Variants in TMEM176A observed in about 807,000 individuals in gnomAD.
TMEM176A encodes hepatocellular carcinoma-associated antigen 112.
Under a neutral mutation model 27.9 loss-of-function variants are expected in TMEM176A, and 20 were observed. The ratio of observed to expected loss-of-function variants is 0.72; its 90% CI spans 0.50 to 1.04. The LOEUF (loss-of-function observed/expected upper bound fraction) is 1.04, where lower values mean the gene tolerates loss of function less well. TMEM176A is among the 50% of genes least tolerant of loss of function. The probability of loss-of-function intolerance (pLI) is 0.00; values close to 1 mark genes in which losing one functional copy is unlikely to be tolerated. For missense variants in TMEM176A, 252 were observed against 289.1 expected (o/e 0.87, Z 0.93); for synonymous variants, 125 against 118.0 (o/e 1.06, Z -0.38).
chr7:150,801,734 A>ACGGCCTGCCTCGTCGGGCGG lies in TMEM176A; in HGVS notation c.174+14_174+33dup. Reference sequence around the variant, plus strand: ...GCTGGTGGCCTCGTGGGTGAGTGTGACGGCCTGCCTCGTCGGGCGGCGGGA... The same window carrying ACGGCCTGCCTCGTCGGGCGG: ...GCTGGTGGCCTCGTGGGTGAGTGTGACGGCCTGCCTCGTCGGGCGGCGGCCTGCCTCGTCGGGCGGCGGGA... On this transcript the variant is annotated intron_variant, in intron 2 of 6. Transcript: ENST00000004103. 6.6e-7 allele frequency: 1 copy of ACGGCCTGCCTCGTCGGGCGG among 1,505,790 alleles called. No individual in the cohort carries two copies. The highest frequency in any genetic ancestry group is 8.8e-7 in the Non-Finnish European group (1 of 1,137,304). 93.3% of individuals were successfully genotyped at this position (1,505,790 alleles called of 1,614,324 possible). A position where few individuals can be genotyped will look rare whatever the true frequency, so the allele number is the denominator to read the frequency against.
Position 150,803,796 on chromosome 7 carries a change from G to A in TMEM176A, c.519G>A (p.Arg173=), listed in dbSNP as rs747977717. 1 of 1,614,174 alleles carries A rather than the reference G, an allele frequency of 6.2e-7. No homozygotes were observed. Among genetic ancestry groups the A allele is most frequent in the Non-Finnish European group, 8.5e-7 (1 of 1,180,038 alleles). Residue 173 remains arginine, a synonymous_variant, in exon 5 of 7, where the codon AGG becomes AGA. Coordinates refer to ENST00000004103, the MANE Select transcript of TMEM176A (RefSeq NM_018487.3). ...CTCAGAGTCCAGAAGAAGTCAGAAG[G>A]CTACACCTATGTACCTCCTTCATGG... ...APTQSPEEVR[R]LHLCTSFMDM... is the part of the protein sequence containing the mutation.
chr7:150,802,483 G>A, intron 3 of TMEM176A, 158 bp downstream of exon 3: 1 of 734,872 alleles, frequency 1.4e-6, no homozygotes, highest in Middle Eastern at 3.9e-4. Flanking sequence ...AAACAGCTGA[G>A]GGCGGTGGTG....
chr7:150,804,313 G>GCC, intron 5 of TMEM176A, 49 bp from the exon 6 acceptor site: 1 of 1,448,676 alleles, frequency 6.9e-7, no homozygotes, highest in Non-Finnish European at 9.7e-7. Flanking sequence ...GACAGAGCAG[G>GCC]AAGGCAGCTG....
chr7:150,802,442 C>A, intron 3 of TMEM176A, 117 bp downstream of exon 3: 1 of 941,954 alleles, frequency 1.1e-6, no homozygotes, highest in Non-Finnish European at 1.6e-6. Flanking sequence ...ATCTGATTAT[C>A]TAGGACCATT....
Position 150,804,861 on chromosome 7 carries a change from G to T in TMEM176A, c.701G>T (p.Gly234Val). 1 of 1,614,180 alleles carries T rather than the reference G, an allele frequency of 6.2e-7. No individual in the cohort carries two copies. The change falls in exon 7 of 7, where the codon GGA becomes GTA. Residue 234 changes from glycine to valine, a missense_variant. Coordinates refer to ENST00000004103, the MANE Select transcript of TMEM176A (RefSeq NM_018487.3). ...CAGAAGGAAATGTTGGAAGTGAGTG[G>T]AATCTAGCCATGCCTCTCCTGATTA... ...RDQKEMLEVS[G>V]I is the part of the protein sequence containing the mutation.
At chr7:150,802,969 C>A in intron 3 of TMEM176A, 2 of 990,106 alleles carry the variant, frequency 2.0e-6, no homozygotes, top group Non-Finnish European at 2.4e-6. Context: ...GTTCTTCAAG[C>A]CCAGCTGAGT....
Position 150,804,490 on chromosome 7 carries a change from G to A in TMEM176A, c.666+18G>A. 1 of 1,599,818 alleles carries A rather than the reference G, an allele frequency of 6.3e-7. No individual in the cohort carries two copies. Among genetic ancestry groups the A allele is most frequent in the Non-Finnish European group, 8.6e-7 (1 of 1,167,216 alleles). ...CCAAAGGGGTGAGTCCCTAAGGTGT[G>A]TGCCTGTGTATTTGGGGCAGTGGAA... is the stretch of plus-strand genomic sequence containing the variant. On this transcript the variant is annotated intron_variant, in intron 6 of 6. Coordinates refer to ENST00000004103, the MANE Select transcript of TMEM176A (RefSeq NM_018487.3).
At position 150,803,412 on chromosome 7, in the gene TMEM176A, G is replaced by A. The variant is rs1396151938; in HGVS notation, c.298G>A (p.Gly100Arg). ...IWTGAVAVLA[G>R]AAAFIYEKRG... ...AATCTCTCCCCAGGCTGTGCTGGCT[G>A]GAGCTGCTGCCTTCATTTACGAGAA... is the stretch of plus-strand genomic sequence containing the variant. The change falls in exon 4 of 7, where the codon GGA becomes AGA. Residue 100 changes from glycine to arginine, a missense_variant. By Grantham distance (125) the Gly-to-Arg change is moderately radical (BLOSUM62 -2). Coordinates refer to ENST00000004103, the MANE Select transcript of TMEM176A (RefSeq NM_018487.3). 2 of 1,590,012 alleles carry A rather than the reference G, an allele frequency of 1.3e-6. No homozygotes were observed. The highest frequency in any genetic ancestry group is 1.7e-6 in the Non-Finnish European group (2 of 1,169,768).
intron 2 of TMEM176A, 59 bp from the exon 3 acceptor site, chr7:150,802,156 T>G: frequency 7.1e-7 from 1 of 1,406,194 alleles, no homozygotes; most frequent in East Asian, 2.3e-5. Flanking sequence ...TTTTAGCGGT[T>G]AATCCCTGCA....
rs746159504 is a variant in TMEM176A at position 150,803,800 on chromosome 7, C to T, written c.523C>T (p.His175Tyr). 5.6e-6 allele frequency: 9 copies of T among 1,614,126 alleles called. No homozygotes were observed. Among genetic ancestry groups the T allele is most frequent in the Non-Finnish European group, 7.6e-6 (9 of 1,180,026 alleles). ...GAGTCCAGAAGAAGTCAGAAGGCTA[C>T]ACCTATGTACCTCCTTCATGGACAT... ...TQSPEEVRRLHLCTSFMDMLK... is the reference protein window; with the variant it reads ...TQSPEEVRRLYLCTSFMDMLK... The change falls in exon 5 of 7, where the codon CAC (histidine) becomes TAC (tyrosine). Residue 175 changes from histidine (H) to tyrosine (Y), a missense_variant. Physicochemically the swap from His to Tyr is moderately conservative, Grantham distance 83. Transcript: ENST00000004103.
rs1174047469 is a variant in TMEM176A at position 150,803,801 on chromosome 7, A to G, written c.524A>G (p.His175Arg). The change falls in exon 5 of 7, where the codon CAC becomes CGC. Residue 175 changes from histidine to arginine, a missense_variant. Coordinates refer to ENST00000004103, the MANE Select transcript of TMEM176A (RefSeq NM_018487.3). ...AGTCCAGAAGAAGTCAGAAGGCTAC[A>G]CCTATGTACCTCCTTCATGGACATG... ...TQSPEEVRRL[H>R]LCTSFMDMLK... is the part of the protein sequence containing the mutation. 8 of 1,614,000 alleles carry G rather than the reference A, an allele frequency of 5.0e-6. No individual in the cohort carries two copies. Among genetic ancestry groups the G allele is most frequent in the Non-Finnish European group, 6.8e-6 (8 of 1,180,026 alleles).
In TMEM176A at chr7:150,802,238, CTT is replaced by C. The variant is rs1798823376; in HGVS notation, c.199_200del (p.Leu67GlufsTer71). The part of the protein sequence containing the change: ...SWVMQIVLGI[L>X]SAVLGGFFYI... The stretch of plus-strand genomic sequence containing the variant: ...AGGTGATGCAGATCGTGCTGGGGAT[CTT>C]GAGTGCAGTCCTAGGAGGATTTTTC... On this transcript the variant is annotated frameshift_variant, in exon 3 of 7. Transcript: ENST00000004103. LOFTEE classifies it high-confidence loss of function. 3 of 1,613,902 alleles carry C rather than the reference CTT, an allele frequency of 1.9e-6. No homozygotes were observed. The highest frequency in any genetic ancestry group is 2.5e-6 in the Non-Finnish European group (3 of 1,180,004).
chr7:150,801,777 G>A (rs1426869087), intron 2 of TMEM176A, 53 bp downstream of exon 2: 2 of 1,431,330 alleles, frequency 1.4e-6, no homozygotes, highest in African/African-American at 2.9e-5. Flanking sequence ...CCCACCTCCA[G>A]CCGCAGCAGC....
chr7:150,800,800 C>T lies in TMEM176A; in HGVS notation c.-44C>T, dbSNP rs1798752429. The T allele has an allele frequency of 4.5e-6, 2 of 446,442 alleles. No homozygotes were observed. The highest frequency in any genetic ancestry group is 5.9e-6 in the Non-Finnish European group (2 of 337,696). 27.7% of individuals were successfully genotyped at this position (446,442 alleles called of 1,614,324 possible). ...CCAGCCAGCGCCCCAGCCCTCCCGC[C>T]GCCCGCTCGCAGGTCCCGAGGAGCG... On this transcript the variant is annotated 5_prime_UTR_variant, in exon 1 of 7. Transcript: ENST00000004103.
chr7:150,804,866 T>C lies in TMEM176A; in HGVS notation c.706T>C (p.Ter236GlnextTer5). The change falls in exon 7 of 7, where the codon TAG (stop) becomes CAG (glutamine). Residue 236 changes from the stop codon to glutamine, a stop_lost. Transcript: ENST00000004103. ...GGAAATGTTGGAAGTGAGTGGAATC[T>C]AGCCATGCCTCTCCTGATTATTAGT... ...QKEMLEVSGI[*>Q] 6.2e-7 allele frequency: 1 copy of C among 1,614,168 alleles called. No individual in the cohort carries two copies.
chr7:150,803,324 C>T lies in TMEM176A; in HGVS notation c.286-76C>T. The T allele has an allele frequency of 6.0e-6, 9 of 1,503,104 alleles. No individual in the cohort carries two copies. The South Asian group carries it at 1.2e-4, about 21-fold the overall frequency. The allele number at this position is 1,503,104 out of a possible 1,614,324, so 93.1% of individuals were successfully genotyped here. ...CCCAAGCTGTGTGCTGGGGAAGGGC[C>T]TGCATGGAGGCTCTCTCGTGGGAGA... On this transcript the variant is annotated intron_variant, in intron 3 of 6. Coordinates refer to ENST00000004103, the MANE Select transcript of TMEM176A (RefSeq NM_018487.3).
chr7:150,802,053 C>T, intron 2 of TMEM176A, 162 bp from the exon 3 acceptor site: 1 of 618,740 alleles, frequency 1.6e-6, no homozygotes, highest in East Asian at 2.8e-5. Flanking sequence ...CTTCTTTCTC[C>T]TTCTCCTCCT....
chr7:150,801,637 G>A lies in TMEM176A; in HGVS notation c.87G>A (p.Leu29=), dbSNP rs1468130141. 1 of 1,613,382 alleles carries A rather than the reference G, an allele frequency of 6.2e-7. No homozygotes were observed. ...TGCACATCCACCAGGAGTCTGCCCTGGCCAAGCTCCTGCTCACCTGCTGCT... is the reference window on the plus strand; with the variant it reads ...TGCACATCCACCAGGAGTCTGCCCTAGCCAAGCTCCTGCTCACCTGCTGCT... ...IDVHIHQESA[L]AKLLLTCCSA... The change falls in exon 2 of 7, where the codon CTG becomes CTA. Residue 29 remains leucine (L), a synonymous_variant. Coordinates refer to ENST00000004103, the MANE Select transcript of TMEM176A (RefSeq NM_018487.3).
chr7:150,801,846 C>A, intron 2 of TMEM176A, 122 bp downstream of exon 2: 1 of 1,025,504 alleles, frequency 9.8e-7, no homozygotes, highest in Non-Finnish European at 1.4e-6. Context: ...TCTTACTTAG[C>A]GATGTGATTC....
Sources: gnomAD v4.1 joint callset for allele counts on GRCh38, gnomAD v4.1.1 for gene constraint, MANE v1.5 for transcripts, NCBI Gene and HGNC (gene_info 2026-07-23, HGNC 2026-07-21) for gene names.